Variants in ERC2 observed in about 807,000 individuals in gnomAD.
The protein encoded by ERC2 is ELKS/RAB6-interacting/CAST family member 2.
ERC2 carries 42 observed loss-of-function variants against 114.8 expected under a neutral mutation model. That is an observed-to-expected ratio of 0.37 (90% confidence interval 0.29 to 0.47). The LOEUF is 0.47. Ranked by LOEUF, ERC2 falls within the 20% of genes least tolerant of loss-of-function variation. The pLI is 0.99. For synonymous variants in ERC2, 454 were observed against 425.5 expected (o/e 1.07, Z -0.82); for missense variants, 939 against 1,150.7 (o/e 0.82, Z 2.66).
intron 2 of ERC2, among the ~76,000 whole-genome samples, chr3:56,398,625 A>C (rs2106924808): frequency 6.6e-6 from 1 of 152,032 alleles, no homozygotes; most frequent in South Asian, 2.1e-4. Flanking sequence ...GTATATATAT[A>C]GTTTGTTTGT....
At chr3:55,920,446 A>ACACACACACACACCCCCC (rs57638674) in intron 13 of ERC2, among the ~76,000 whole-genome samples, 2 of 145,444 alleles carry the variant, frequency 1.4e-5, no homozygotes, top group African/African-American at 5.3e-5. Context: ...ACACACACAC[A>ACACACACACACACCCCCC]CCCCAAGTGA....
At chr3:56,044,236 A>T (rs1306223644) in intron 7 of ERC2, among the ~76,000 whole-genome samples, 3 of 152,180 alleles carry the variant, frequency 2.0e-5, no homozygotes, top group Non-Finnish European at 2.9e-5. Context: ...TCGTTTTGGG[A>T]AACATTTTTT....
chr3:56,083,475 T>C (rs2077345546), intron 6 of ERC2, among the ~76,000 whole-genome samples: 1 of 152,162 alleles, frequency 6.6e-6, no homozygotes, highest in South Asian at 2.1e-4. Flanking sequence ...TGGAGAACAG[T>C]TACCTGGTGT....
chr3:55,570,450 C>T (rs766049516), intron 17 of ERC2, among the ~76,000 whole-genome samples: 2 of 152,072 alleles, frequency 1.3e-5, no homozygotes, highest in Admixed American at 6.5e-5. Flanking sequence ...AGTAACCTGA[C>T]GAGATAATGA....
At chr3:55,895,735 C>T (rs1030292896) in intron 13 of ERC2, among the ~76,000 whole-genome samples, 5 of 152,176 alleles carry the variant, frequency 3.3e-5, no homozygotes, top group East Asian at 1.9e-4. Context: ...AGCACAAAGA[C>T]GTGATTCTGA....
chr3:55,880,891 A>T (rs2063084313), intron 14 of ERC2, among the ~76,000 whole-genome samples: 1 of 152,182 alleles, frequency 6.6e-6, no homozygotes, highest in South Asian at 2.1e-4. Flanking sequence ...TGTACCTAAC[A>T]TACTAATATA....
chr3:56,255,249 T>C (rs1473533429), intron 3 of ERC2, among the ~76,000 whole-genome samples: 1 of 152,180 alleles, frequency 6.6e-6, no homozygotes, highest in Admixed American at 6.5e-5. Flanking sequence ...GCTGGTGCCA[T>C]CTACATTTAG....
intron 14 of ERC2, among the ~76,000 whole-genome samples, chr3:55,831,847 C>G (rs1180337080): frequency 1.3e-5 from 2 of 152,202 alleles, no homozygotes; most frequent in Non-Finnish European, 2.9e-5. Flanking sequence ...GTTCACTTTC[C>G]TAGTCAAAGA....
At chr3:55,930,906 A>G (rs1390021558) in intron 13 of ERC2, among the ~76,000 whole-genome samples, 5 of 152,210 alleles carry the variant, frequency 3.3e-5, no homozygotes, top group Non-Finnish European at 7.3e-5. Context: ...ACAAATTTAC[A>G]GGAAAAAAAA....
chr3:55,806,868 A>G (rs2059513997), intron 14 of ERC2, among the ~76,000 whole-genome samples: 1 of 152,232 alleles, frequency 6.6e-6, no homozygotes. Flanking sequence ...TATCTGTTAA[A>G]TGGCAAATGC....
At chr3:55,743,813 A>G (rs1418947650) in intron 14 of ERC2, among the ~76,000 whole-genome samples, 1 of 152,090 alleles carries the variant, frequency 6.6e-6, no homozygotes, top group African/African-American at 2.4e-5. Flanking sequence ...GCCCTGGGTA[A>G]GTTACTCACT....
At chr3:55,584,252 T>G (rs1230260216) in intron 17 of ERC2, among the ~76,000 whole-genome samples, 2 of 152,180 alleles carry the variant, frequency 1.3e-5, no homozygotes, top group African/African-American at 4.8e-5. Flanking sequence ...CAAGGTACTT[T>G]CCCTTGCAGA....
intron 13 of ERC2, among the ~76,000 whole-genome samples, chr3:55,926,445 C>T (rs2065759104): frequency 6.6e-6 from 1 of 150,420 alleles, no homozygotes; most frequent in Non-Finnish European, 1.5e-5. Flanking sequence ...GATCGAAGTC[C>T]TACACCTTGA....
chr3:56,307,332 A>T (rs1451512398), intron 2 of ERC2, among the ~76,000 whole-genome samples: 1 of 152,220 alleles, frequency 6.6e-6, no homozygotes. Flanking sequence ...CTTGCGTCTT[A>T]TCTCAATTTA....
At chr3:56,263,950 T>C (rs1171649169) in intron 3 of ERC2, among the ~76,000 whole-genome samples, 2 of 152,190 alleles carry the variant, frequency 1.3e-5, no homozygotes, top group African/African-American at 2.4e-5. Flanking sequence ...CAAATTATTA[T>C]ACATTGTGAC....
chr3:56,222,756 C>T (rs921132232), intron 3 of ERC2, among the ~76,000 whole-genome samples: 5 of 152,152 alleles, frequency 3.3e-5, no homozygotes, highest in South Asian at 2.1e-4. Flanking sequence ...GCTATACAAC[C>T]GCTATAGCTA....
intron 12 of ERC2, among the ~76,000 whole-genome samples, chr3:55,975,403 C>G (rs543397315): frequency 1.1e-3 from 174 of 152,198 alleles, no homozygotes; most frequent in Non-Finnish European, 1.4e-3. Flanking sequence ...TCTTCCTGCT[C>G]TCTTAGTAGC....
chr3:56,017,387 T>C (rs2149587296), intron 8 of ERC2, among the ~76,000 whole-genome samples: 1 of 152,312 alleles, frequency 6.6e-6, no homozygotes, highest in African/African-American at 2.4e-5. Flanking sequence ...AAGGATTTTA[T>C]TCATTCATTC....
At chr3:55,984,886 T>A (rs1279445382) in intron 12 of ERC2, among the ~76,000 whole-genome samples, 1 of 152,198 alleles carries the variant, frequency 6.6e-6, no homozygotes, top group Non-Finnish European at 1.5e-5. Flanking sequence ...AATCAGTAGA[T>A]GAGCAGGTTT....
Sources: gnomAD v4.1 joint callset for allele counts (sites outside exome capture counted in the v4.1 genomes callset) on GRCh38, gnomAD v4.1.1 for gene constraint, MANE v1.5 for transcripts, NCBI Gene and HGNC (gene_info 2026-07-23, HGNC 2026-07-21) for gene names.